The following KIAA1210 variants were observed in gnomAD, a reference collection of about 807,000 sequenced individuals.
KIAA1210 encodes KIAA1210.
Under a neutral mutation model 78.9 loss-of-function variants are expected in KIAA1210, and 48 were observed. The ratio of observed to expected loss-of-function variants is 0.61; its 90% CI spans 0.48 to 0.77. The LOEUF is 0.77. Among genes scored for constraint, KIAA1210 ranks in the 30% least tolerant of loss-of-function variants. The pLI is 0.00. For synonymous variants in KIAA1210, 406 were observed against 404.5 expected (o/e 1.00, Z -0.04); for missense variants, 1,108 against 1,100.0 (o/e 1.01, Z -0.10).
intron 8 of KIAA1210, among the ~76,000 whole-genome samples, chrX:119,092,747 T>C (rs779236367): frequency 2.6e-4 from 25 of 96,707 alleles, no homozygotes; most frequent in African/African-American, 6.0e-4. Context: ...GGTGACAGAG[T>C]GAGACTCCGT....
chrX:119,139,279 C>A (rs1181770501), intron 2 of KIAA1210, among the ~76,000 whole-genome samples: 1 of 111,511 alleles, frequency 9.0e-6, no homozygotes, highest in African/African-American at 3.3e-5. Flanking sequence ...GGGTACAGGG[C>A]ATGGCTGAAA....
At chrX:119,133,323 A>G (rs1430936114) in intron 2 of KIAA1210, among the ~76,000 whole-genome samples, 1 of 111,473 alleles carries the variant, frequency 9.0e-6, no homozygotes, top group Non-Finnish European at 1.9e-5. Flanking sequence ...AGATCACACA[A>G]TGAGCTCCAG....
upstream of KIAA1210, among the ~76,000 whole-genome samples, chrX:119,128,734 G>T (rs1216973353): frequency 9.0e-6 from 1 of 111,125 alleles, no homozygotes; most frequent in African/African-American, 3.3e-5. Context: ...GGAGTGCAAT[G>T]GCGCAATCTT....
chrX:119,117,702 T>C (rs749332621), intron 2 of KIAA1210, among the ~76,000 whole-genome samples: 1 of 108,929 alleles, frequency 9.2e-6, no homozygotes, highest in East Asian at 2.9e-4. Context: ...TGCACCTCAG[T>C]CCCACCCCAG....
chrX:119,135,748 G>GA (rs954245014), intron 2 of KIAA1210, among the ~76,000 whole-genome samples: 5 of 111,461 alleles, frequency 4.5e-5, no homozygotes, highest in Non-Finnish European at 9.4e-5. Flanking sequence ...CTCCAAAGAG[G>GA]AAAAAAAAGT....
At position 119,087,985 on chromosome X, in the gene KIAA1210, G is replaced by C. The variant is rs1213122979; in HGVS notation, c.2717C>G (p.Ser906Cys). The change falls in exon 9 of 12, where the codon TCC becomes TGC. Residue 906 changes from serine to cysteine, a missense_variant. This residue lies in a region of KIAA1210 where 179 missense variants were observed against 174.1 expected (regional missense o/e 1.03). Coordinates refer to ENST00000691062, the MANE Select transcript of KIAA1210 (RefSeq NM_001394962.1). ...CACCCATGGCGGGGAAGTGTATTTG[G>C]AAGGTGTTGGTGCCACAGGACTGCT... The part of the protein sequence containing the change: ...EWSSPVAPTP[S>C]KYTSPPWVTP... 1 of 1,211,490 alleles carries C rather than the reference G, an allele frequency of 8.3e-7. No individual in the cohort carries two copies. The highest frequency in any genetic ancestry group is 1.1e-6 in the Non-Finnish European group (1 of 895,300).
intron 8 of KIAA1210, among the ~76,000 whole-genome samples, chrX:119,092,293 C>G (rs1289174733): frequency 9.0e-6 from 1 of 111,580 alleles, no homozygotes; most frequent in Non-Finnish European, 1.9e-5. Context: ...TCTTCCCTCA[C>G]TATCTGCTGC....
At position 119,100,174 on chromosome X, in the gene KIAA1210, A is replaced by C. The variant is rs5957110; in HGVS notation, c.649-3483T>G. Among the ~76,000 whole-genome samples the C allele has an allele frequency of 5.1e-3, 550 of 108,364 alleles. 4 individuals are homozygous for C. The highest frequency in any genetic ancestry group is 0.013 in the African/African-American group (384 of 29,749). The allele number at this position is 108,364 out of a possible 115,157, so 94.1% of individuals were successfully genotyped here. On this transcript the variant is annotated intron_variant, in intron 6 of 11. Transcript: ENST00000691062. ...CGTCTCTACTAAAAACACACACACA[A>C]AAAAAAATAGCCGGGCATGGTGGTG...
chrX:119,126,792 T>C (rs1928659741), intron 1 of KIAA1210, among the ~76,000 whole-genome samples: 1 of 112,471 alleles, frequency 8.9e-6, no homozygotes, highest in Admixed American at 9.4e-5. Context: ...AACATCTGAC[T>C]GGACACAGTG....
chrX:119,086,025 T>C (rs1927119401), intron 9 of KIAA1210, among the ~76,000 whole-genome samples: 1 of 112,851 alleles, frequency 8.9e-6, no homozygotes, highest in Non-Finnish European at 1.9e-5. Flanking sequence ...AGTGTGAAGG[T>C]CCAAAGGTTT....
At chrX:119,134,946 C>A (rs762789780) in intron 2 of KIAA1210, among the ~76,000 whole-genome samples, 69 of 112,723 alleles carry the variant, frequency 6.1e-4, no homozygotes, top group Non-Finnish European at 9.9e-4. Flanking sequence ...AGTCCTCAGT[C>A]TGTGCCAGGC....
At position 119,087,418 on chromosome X, in the gene KIAA1210, G is replaced by A; in HGVS notation, c.3284C>T (p.Pro1095Leu). 1.7e-6 allele frequency: 2 copies of A among 1,210,740 alleles called. No homozygotes were observed. The highest frequency in any genetic ancestry group is 1.8e-5 in the South Asian group (1 of 56,808). Residue 1095 changes from proline (P) to leucine (L), a missense_variant, in exon 9 of 12, where the codon CCA (proline) becomes CTA (leucine). Around this residue, in one of 5 missense-constraint regions of KIAA1210, gnomAD observed 179 missense variants for 174.1 expected, o/e 1.03. Coordinates refer to ENST00000691062, the MANE Select transcript of KIAA1210 (RefSeq NM_001394962.1). ...CTCTGAATAAGAGAAAACTTTCTGT[G>A]GGTCTTCAGGCCTCCCCAAGGACTG... ...PLQSLGRPED[P>L]QKVFSYSERA...
At chrX:119,135,278 G>T (rs1442892746) in intron 2 of KIAA1210, among the ~76,000 whole-genome samples, 2 of 112,099 alleles carry the variant, frequency 1.8e-5, no homozygotes, top group African/African-American at 3.2e-5. Context: ...TCTATTACAT[G>T]ACCCGAAAAT....
At chrX:119,138,639 C>T (rs183516285) in intron 2 of KIAA1210, among the ~76,000 whole-genome samples, 2 of 111,778 alleles carry the variant, frequency 1.8e-5, no homozygotes, top group African/African-American at 3.2e-5. Flanking sequence ...GGGCAGGTGA[C>T]ATCCACAAAC....
intron 3 of KIAA1210, among the ~76,000 whole-genome samples, chrX:119,112,169 A>G (rs1004290102): frequency 2.7e-5 from 3 of 111,624 alleles, no homozygotes; most frequent in Admixed American, 1.9e-4. Context: ...CTCTGCCATG[A>G]TTGAACTGTG....
chrX:119,136,846 C>T (rs1356446870), intron 2 of KIAA1210, among the ~76,000 whole-genome samples: 1 of 111,774 alleles, frequency 8.9e-6, no homozygotes, highest in Non-Finnish European at 1.9e-5. Flanking sequence ...CAGCTCCCTA[C>T]CTGGAGTTGT....
At chrX:119,125,727 ATATATATAT>A (rs1273243574) in intron 1 of KIAA1210, among the ~76,000 whole-genome samples, 61 of 6,927 alleles carry the variant, frequency 8.8e-3, no homozygotes, top group African/African-American at 0.011. Context: ...ATATATATAT[ATATATATAT>A]TTTTTTTTTT....
intron 2 of KIAA1210, among the ~76,000 whole-genome samples, chrX:119,139,347 T>C (rs1928994558): frequency 8.9e-6 from 1 of 111,778 alleles, no homozygotes; most frequent in African/African-American, 3.3e-5. Context: ...AGTGGATTAA[T>C]AGACATTGGA....
intron 8 of KIAA1210, among the ~76,000 whole-genome samples, chrX:119,092,685 A>C (rs1224741339): frequency 2.7e-5 from 3 of 109,225 alleles, no homozygotes; most frequent in Admixed American, 9.9e-5. Context: ...TGCTTGAACT[A>C]GGGAGGTGGA....
Sources: allele counts gnomAD v4.1 joint callset (sites outside exome capture counted in the v4.1 genomes callset), GRCh38; gene constraint gnomAD v4.1.1; regional missense constraint gnomAD v4.1.1; transcripts MANE v1.5; gene names NCBI Gene and HGNC (gene_info 2026-07-23, HGNC 2026-07-21).